GREB1L: variants seen among roughly 807,000 people sequenced by gnomAD.
The protein encoded by GREB1L is GREB1 like retinoic acid receptor coactivator.
Under a neutral mutation model 200.8 loss-of-function variants are expected in GREB1L, and 17 were observed. The ratio of observed to expected loss-of-function variants is 0.08; its 90% CI spans 0.06 to 0.13. The LOEUF is 0.13. Among genes scored for constraint, GREB1L ranks in the 10% least tolerant of loss-of-function variants. The probability of loss-of-function intolerance (pLI) is 1.00; values close to 1 mark genes in which losing one functional copy is unlikely to be tolerated. For synonymous variants in GREB1L, 789 were observed against 893.0 expected (o/e 0.88, Z 2.08); for missense variants, 1,657 against 2,367.7 (o/e 0.70, Z 6.23).
chr18:21,445,202 C>T (rs1248237014), intron 11 of GREB1L, among the ~76,000 whole-genome samples: 1 of 152,222 alleles, frequency 6.6e-6, no homozygotes, highest in Non-Finnish European at 1.5e-5. Flanking sequence ...TGGCCGGGCA[C>T]GGTGGCTCAC....
At chr18:21,485,187 TATC>T (rs2036080476) in intron 17 of GREB1L, among the ~76,000 whole-genome samples, 1 of 152,350 alleles carries the variant, frequency 6.6e-6, no homozygotes. Context: ...TTTTATGAGT[TATC>T]ATTATGAAAT....
intron 5 of GREB1L, among the ~76,000 whole-genome samples, chr18:21,399,607 T>C (rs1449518768): frequency 6.6e-6 from 1 of 152,122 alleles, no homozygotes; most frequent in Non-Finnish European, 1.5e-5. Flanking sequence ...ATTGGACAAA[T>C]AGTCAAATGT....
At chr18:21,436,662 G>A (rs1237498930) in intron 7 of GREB1L, among the ~76,000 whole-genome samples, 2 of 140,552 alleles carry the variant, frequency 1.4e-5, no homozygotes, top group African/African-American at 5.4e-5. Flanking sequence ...TCCCAGAAAA[G>A]TTCAGTGGTG....
At chr18:21,476,577 TTTG>T (rs2035707279) in intron 16 of GREB1L, among the ~76,000 whole-genome samples, 3 of 151,966 alleles carry the variant, frequency 2.0e-5, no homozygotes, top group Admixed American at 2.0e-4. Flanking sequence ...GTTTTGGGGT[TTTG>T]TTTTTTTTTT....
intron 19 of GREB1L, among the ~76,000 whole-genome samples, chr18:21,490,750 C>T (rs2036302025): frequency 6.6e-6 from 1 of 152,188 alleles, no homozygotes; most frequent in Non-Finnish European, 1.5e-5. Flanking sequence ...CTCACTAATT[C>T]TTTTCTGTTC....
In GREB1L at chr18:21,347,588, T is replaced by C. The variant is rs1200281500; in HGVS notation, c.-119-18439T>C. 6.6e-5 allele frequency among the ~76,000 whole-genome samples: 10 copies of C among 151,662 alleles called. No individual in the cohort carries two copies. The East Asian group carries it at 2.0e-3, about 30-fold the overall frequency. ...CTCCTGCCTCAGCCTCCCAAGTAAC[T>C]GGGATTACAGGAGCTTGCCACCATG... On this transcript the variant is annotated intron_variant, in intron 1 of 32. Transcript: ENST00000424526.
At chr18:21,500,380 A>C (rs1254538502) in intron 22 of GREB1L, 74 bp downstream of exon 22, 6 of 848,368 alleles carry the variant, frequency 7.1e-6, no homozygotes, top group African/African-American at 3.4e-5. Flanking sequence ...GAAGCCAGAA[A>C]ACCTCTTGGG....
chr18:21,475,756 CAA>C (rs1331047700), intron 16 of GREB1L, among the ~76,000 whole-genome samples: 4 of 151,702 alleles, frequency 2.6e-5, no homozygotes, highest in Non-Finnish European at 5.9e-5. Context: ...TACTTGGGGA[CAA>C]GAGTTCAAGA....
At chr18:21,518,912 A>C (rs987580410) in intron 31 of GREB1L, among the ~76,000 whole-genome samples, 7 of 152,236 alleles carry the variant, frequency 4.6e-5, no homozygotes, top group Non-Finnish European at 8.8e-5. Flanking sequence ...ATAAGAAAGT[A>C]AAGTCACCTG....
At chr18:21,437,580 A>T (rs2033626746) in intron 7 of GREB1L, among the ~76,000 whole-genome samples, 1 of 152,126 alleles carries the variant, frequency 6.6e-6, no homozygotes, top group Non-Finnish European at 1.5e-5. Context: ...CAAAAAAAAA[A>T]CCTGAATTTG....
intron 1 of GREB1L, among the ~76,000 whole-genome samples, chr18:21,318,418 CTTCCTT>C: frequency 6.6e-6 from 1 of 152,218 alleles, no homozygotes; most frequent in East Asian, 1.9e-4. Context: ...CTTAAAGACT[CTTCCTT>C]ATCCTTTCTT....
intron 1 of GREB1L, among the ~76,000 whole-genome samples, chr18:21,277,218 G>A (rs1460699735): frequency 6.6e-6 from 1 of 151,952 alleles, no homozygotes; most frequent in Non-Finnish European, 1.5e-5. Flanking sequence ...GTGAGCCACC[G>A]TGCCCGGCCC....
chr18:21,372,906 T>C (rs1351992663), intron 2 of GREB1L, among the ~76,000 whole-genome samples: 1 of 151,986 alleles, frequency 6.6e-6, no homozygotes, highest in Non-Finnish European at 1.5e-5. Flanking sequence ...AATTATGAGA[T>C]TTTTTTTGCA....
chr18:21,271,677 A>T (rs1167177288), intron 1 of GREB1L, among the ~76,000 whole-genome samples: 1 of 150,638 alleles, frequency 6.6e-6, no homozygotes, highest in Non-Finnish European at 1.5e-5. Context: ...AAAAGAATGC[A>T]TTTATTATGT....
At position 21,485,728 on chromosome 18, in the gene GREB1L, A is replaced by G. The variant is rs764218820; in HGVS notation, c.2665A>G (p.Lys889Glu). The change falls in exon 18 of 33, where the codon AAA becomes GAA. Residue 889 changes from lysine to glutamate, a missense_variant. This residue lies in a region of GREB1L where 82 missense variants were observed against 95.9 expected (regional missense o/e 0.85). Coordinates refer to ENST00000424526, the MANE Select transcript of GREB1L (RefSeq NM_001142966.3). ...TCTGAGATGTGACGAGACTTTTGAA[A>G]AAATGGTGAACACACTCTTGGAGAG... ...PLLRCDETFE[K>E]MVNTLLERYP... The G allele has an allele frequency of 6.4e-7, 1 of 1,551,646 alleles. No individual in the cohort carries two copies. Among genetic ancestry groups the G allele is most frequent in the Non-Finnish European group, 8.7e-7 (1 of 1,146,968 alleles).
intron 24 of GREB1L, 34 bp from the exon 25 acceptor site, chr18:21,505,776 C>A (rs2036986983): frequency 6.5e-7 from 1 of 1,539,674 alleles, no homozygotes; most frequent in Non-Finnish European, 8.8e-7. Flanking sequence ...AACATGTTAT[C>A]TCATGGGATG....
chr18:21,421,085 A>G (rs1041246774), intron 7 of GREB1L, among the ~76,000 whole-genome samples: 2 of 152,222 alleles, frequency 1.3e-5, no homozygotes, highest in African/African-American at 4.8e-5. Flanking sequence ...ATAGTGGCAG[A>G]AAACAGATCA....
intron 1 of GREB1L, among the ~76,000 whole-genome samples, chr18:21,341,078 C>T (rs1055889955): frequency 6.6e-5 from 10 of 152,166 alleles, no homozygotes; most frequent in Non-Finnish European, 1.5e-4. Flanking sequence ...GAAGCATGAT[C>T]ACCACTGCCT....
intron 1 of GREB1L, among the ~76,000 whole-genome samples, chr18:21,315,324 C>G (rs935172700): frequency 3.9e-5 from 6 of 152,108 alleles, no homozygotes; most frequent in Non-Finnish European, 8.8e-5. Flanking sequence ...TTCCTAGGCT[C>G]AAGTGATCCT....
Sources: allele counts gnomAD v4.1 joint callset (sites outside exome capture counted in the v4.1 genomes callset), GRCh38; gene constraint gnomAD v4.1.1; regional missense constraint gnomAD v4.1.1; transcripts MANE v1.5; gene names NCBI Gene and HGNC (gene_info 2026-07-23, HGNC 2026-07-21).